IFNAR1: variants seen among roughly 807,000 people sequenced by gnomAD.
The protein encoded by IFNAR1 is interferon alpha/beta receptor 1.
A neutral mutation model predicts 62.1 loss-of-function variants in IFNAR1; 47 were observed. The ratio of observed to expected loss-of-function variants is 0.76; its 90% CI spans 0.60 to 0.97. The LOEUF is 0.97. Ranked by LOEUF, IFNAR1 falls within the 50% of genes least tolerant of loss-of-function variation. The pLI is 0.00. For missense variants in IFNAR1, 638 were observed against 654.5 expected, an observed-to-expected ratio of 0.97 and a Z score of 0.27; for synonymous variants, 219 against 226.9, an observed-to-expected ratio of 0.97 and a Z score of 0.31.
In IFNAR1 at chr21:33,332,913, G is replaced by A. The variant is rs151258325; in HGVS notation, c.77-2611G>A. On this transcript the variant is annotated intron_variant, in intron 1 of 10. Coordinates refer to ENST00000270139, the MANE Select transcript of IFNAR1 (RefSeq NM_000629.3). ...TGTAAGTTACAGAAAGAGGAGAAAA[G>A]GTAAGAGGCATATACAAACTATTTA... Among the ~76,000 whole-genome samples the A allele has an allele frequency of 3.3e-5, 5 of 152,244 alleles. No homozygotes were observed. The East Asian group carries it at 9.6e-4, about 29-fold the overall frequency.
chr21:33,341,228 G>A, intron 3 of IFNAR1, 54 bp downstream of exon 3: 1 of 1,374,252 alleles, frequency 7.3e-7, no homozygotes, highest in Non-Finnish European at 1.0e-6. Flanking sequence ...TACCAGAGCA[G>A]TTCACTTTCC....
intron 1 of IFNAR1, among the ~76,000 whole-genome samples, chr21:33,330,231 C>T (rs1401991880): frequency 1.3e-5 from 2 of 152,138 alleles, no homozygotes; most frequent in Non-Finnish European, 2.9e-5. Context: ...TGCTCCTTCT[C>T]GTCACAAAAG....
intron 1 of IFNAR1, among the ~76,000 whole-genome samples, chr21:33,331,800 C>T (rs1388308497): frequency 6.6e-6 from 1 of 152,160 alleles, no homozygotes; most frequent in Non-Finnish European, 1.5e-5. Context: ...AAACCATACC[C>T]TGCTCCCCAG....
intron 1 of IFNAR1, among the ~76,000 whole-genome samples, chr21:33,325,866 CTT>C (rs955667530): frequency 1.3e-5 from 2 of 152,156 alleles, no homozygotes; most frequent in Non-Finnish European, 2.9e-5. Flanking sequence ...GGAGTCTTGA[CTT>C]TGTTTTGCAC....
chr21:33,351,665 C>T (rs1207758450), intron 8 of IFNAR1, among the ~76,000 whole-genome samples: 1 of 151,684 alleles, frequency 6.6e-6, no homozygotes, highest in Non-Finnish European at 1.5e-5. Context: ...CCTCCCACCT[C>T]AGCTTCCCAA....
intron 8 of IFNAR1, among the ~76,000 whole-genome samples, chr21:33,352,318 A>G (rs758531396): frequency 2.0e-5 from 3 of 152,106 alleles, no homozygotes; most frequent in Non-Finnish European, 2.9e-5. Flanking sequence ...ATCTAAAACA[A>G]ATTTATATTT....
intron 1 of IFNAR1, among the ~76,000 whole-genome samples, chr21:33,329,549 T>C (rs940000337): frequency 1.3e-5 from 2 of 151,920 alleles, no homozygotes; most frequent in African/African-American, 4.8e-5. Flanking sequence ...AGCAAGAAGC[T>C]GTCTCAGTTA....
chr21:33,356,290 C>T lies in IFNAR1; in HGVS notation c.*741C>T, dbSNP rs1601038416. On this transcript the variant is annotated 3_prime_UTR_variant, in exon 11 of 11. Transcript: ENST00000270139. ...CCTAACATTCTGTTTCATTCTTCCT[C>T]GGGAGATATTTCAAACATTTGGTCT... 3 of 152,210 alleles carry T rather than the reference C, an allele frequency of 2.0e-5. No homozygotes were observed. Among genetic ancestry groups the T allele is most frequent in the Admixed American group, 6.5e-5 (1 of 15,280 alleles). 9.4% of individuals were successfully genotyped at this position (152,210 alleles called of 1,614,324 possible).
chr21:33,333,814 G>A (rs17875791), intron 1 of IFNAR1, among the ~76,000 whole-genome samples: 24,599 of 149,422 alleles, frequency 0.16, 2,339 homozygotes, highest in East Asian at 0.37. Flanking sequence ...TAGTAGAGAC[G>A]GGGTTTCACC....
In IFNAR1 at chr21:33,358,153, C is replaced by T. The variant is rs2083466929; in HGVS notation, c.*2604C>T. 2 of 152,304 alleles carry T rather than the reference C, an allele frequency of 1.3e-5. No homozygotes were observed. The allele number at this position is 152,304 out of a possible 1,614,324, so 9.4% of individuals were successfully genotyped here. On this transcript the variant is annotated 3_prime_UTR_variant, in exon 11 of 11. Transcript: ENST00000270139. ...CCATCTGTGGTTTTCAGTGAACAAGCGCTGAGCACCAGCAGCAGAAAACAA... is the reference window on the plus strand; with the variant it reads ...CCATCTGTGGTTTTCAGTGAACAAGTGCTGAGCACCAGCAGCAGAAAACAA...
At chr21:33,354,317 G>C (rs925630862) in intron 10 of IFNAR1, among the ~76,000 whole-genome samples, 1 of 152,188 alleles carries the variant, frequency 6.6e-6, no homozygotes, top group Non-Finnish European at 1.5e-5. Context: ...ACTCCAGCCT[G>C]GGTGACAGAG....
At position 33,343,294 on chromosome 21, in the gene IFNAR1, T is replaced by A. The variant is rs1487039059; in HGVS notation, c.403T>A (p.Leu135Ile). 6.2e-7 allele frequency: 1 copy of A among 1,613,436 alleles called. No individual in the cohort carries two copies. The highest frequency in any genetic ancestry group is 8.5e-7 in the Non-Finnish European group (1 of 1,179,664). Residue 135 changes from leucine (L) to isoleucine (I), a missense_variant, in exon 4 of 11, where the codon TTA becomes ATA. Transcript: ENST00000270139. ...KAQIGPPEVH[L>I]EAEDKAIVIH... ...TCAGATTGGTCCTCCAGAAGTACAT[T>A]TAGAAGCTGAAGATAAGGCAATAGT...
At chr21:33,330,862 CCA>C (rs2083171336) in intron 1 of IFNAR1, among the ~76,000 whole-genome samples, 1 of 152,168 alleles carries the variant, frequency 6.6e-6, no homozygotes, top group Non-Finnish European at 1.5e-5. Flanking sequence ...ACAGATCTCA[CCA>C]CTGGGGTTCC....
At chr21:33,333,614 ATTTTTTTTTTTCT>A (rs2083202230) in intron 1 of IFNAR1, among the ~76,000 whole-genome samples, 1 of 107,010 alleles carries the variant, frequency 9.3e-6, no homozygotes, top group African/African-American at 4.1e-5. Context: ...CTGGCGGAAT[ATTTTTTTTTTTCT>A]TTTTTTTTTT....
chr21:33,324,840 T>C (rs2083107382), upstream of IFNAR1: 3 of 577,630 alleles, frequency 5.2e-6, no homozygotes, highest in East Asian at 8.6e-5. Context: ...GAAGGGGTGC[T>C]AGCTAGGAGG....
chr21:33,346,925 C>T (rs2123256089), intron 6 of IFNAR1, among the ~76,000 whole-genome samples: 1 of 152,220 alleles, frequency 6.6e-6, no homozygotes, highest in East Asian at 1.9e-4. Context: ...ACTTAAACAG[C>T]TGTTTATTGT....
chr21:33,344,754 T>A (rs907080804), intron 5 of IFNAR1, among the ~76,000 whole-genome samples: 2 of 147,316 alleles, frequency 1.4e-5, no homozygotes, highest in Non-Finnish European at 3.0e-5. Flanking sequence ...TATTGCATTC[T>A]TTCTTTTTTA....
At chr21:33,335,766 G>T (rs187569890) in intron 2 of IFNAR1, 119 bp downstream of exon 2, 9 of 794,806 alleles carry the variant, frequency 1.1e-5, no homozygotes, top group African/African-American at 1.8e-5. Context: ...GAAATGTTAC[G>T]CCTATTTTAC....
intron 2 of IFNAR1, among the ~76,000 whole-genome samples, chr21:33,340,388 G>A (rs1030209846): frequency 1.1e-4 from 16 of 152,128 alleles, no homozygotes; most frequent in African/African-American, 3.6e-4. Context: ...GTCTTGCTCG[G>A]TTGCTGAGGC....
Sources: gnomAD v4.1 joint callset for allele counts (sites outside exome capture counted in the v4.1 genomes callset) on GRCh38, gnomAD v4.1.1 for gene constraint, MANE v1.5 for transcripts, NCBI Gene and HGNC (gene_info 2026-07-23, HGNC 2026-07-21) for gene names.